The following MYO9A variants were observed in gnomAD, a reference collection of about 807,000 sequenced individuals.
MYO9A encodes myosin IXA.
In MYO9A, 103 loss-of-function variants were observed where a neutral mutation model predicts 293.3. That is an observed-to-expected ratio of 0.35 (90% confidence interval 0.30 to 0.41). The LOEUF (loss-of-function observed/expected upper bound fraction) is 0.41, where lower values mean the gene tolerates loss of function less well. Ranked by LOEUF, MYO9A falls within the 10% of genes least tolerant of loss-of-function variation. The pLI is 1.00. For synonymous variants in MYO9A, 1,001 were observed against 1,035.7 expected (o/e 0.97, Z 0.64); for missense variants, 2,685 against 3,033.0 (o/e 0.89, Z 2.69).
chr15:71,880,154 A>G (rs988902670), intron 29 of MYO9A, among the ~76,000 whole-genome samples, 181 bp downstream of exon 29: 4 of 152,232 alleles, frequency 2.6e-5, no homozygotes, highest in African/African-American at 9.6e-5. Context: ...CTACAACCTT[A>G]AATCCTGTCT....
intron 7 of MYO9A, among the ~76,000 whole-genome samples, chr15:72,008,774 C>A (rs1596369918): frequency 6.6e-6 from 1 of 152,136 alleles, no homozygotes; most frequent in African/African-American, 2.4e-5. Context: ...CACAGCTAAA[C>A]AATCCACTGA....
intron 4 of MYO9A, among the ~76,000 whole-genome samples, chr15:72,026,923 T>C (rs943237922): frequency 4.6e-5 from 7 of 152,190 alleles, no homozygotes; most frequent in African/African-American, 1.7e-4. Flanking sequence ...AACAGATCTA[T>C]AATAACTAAA....
intron 12 of MYO9A, among the ~76,000 whole-genome samples, chr15:71,975,428 T>TGTGTGTGTGTGTGTGTGTGTGTG (rs2076116955): frequency 6.8e-6 from 1 of 147,942 alleles, no homozygotes; most frequent in African/African-American, 2.5e-5. Context: ...TGTGTGTGTG[T>TGTGTGTGTGTGTGTGTGTGTGTG]AGGTTTTCGT....
At chr15:72,053,097 A>G (rs1365935135) in intron 1 of MYO9A, among the ~76,000 whole-genome samples, 1 of 152,190 alleles carries the variant, frequency 6.6e-6, no homozygotes, top group Non-Finnish European at 1.5e-5. Context: ...TAGGGTAGCC[A>G]CTAAAAAAGA....
In MYO9A at chr15:71,897,809, G is replaced by A; in HGVS notation, c.4694C>T (p.Thr1565Ile). 1 of 1,614,050 alleles carries A rather than the reference G, an allele frequency of 6.2e-7. No individual in the cohort carries two copies. Residue 1565 changes from threonine (T) to isoleucine (I), a missense_variant, in exon 25 of 42, where the codon ACC becomes ATC. By Grantham distance (89) the Thr-to-Ile change is moderately conservative (BLOSUM62 -1). Around this residue, in one of 10 missense-constraint regions of MYO9A, gnomAD observed 1,434 missense variants for 1,497.7 expected, o/e 0.96. Transcript: ENST00000356056. ...ERPSSLLSLN[T>I]SNKGELNVLG... ...TACATTAAGTTCTCCCTTATTTGAGGTATTTAAGCTGAGGAGAGAGGATGG... is the reference window on the plus strand; with the variant it reads ...TACATTAAGTTCTCCCTTATTTGAGATATTTAAGCTGAGGAGAGAGGATGG...
intron 30 of MYO9A, among the ~76,000 whole-genome samples, chr15:71,878,946 G>A (rs944185901): frequency 4.0e-5 from 6 of 151,572 alleles, no homozygotes; most frequent in Non-Finnish European, 7.4e-5. Context: ...TATTAGAGAC[G>A]GGGTTTTACC....
At chr15:72,054,375 A>G (rs1372948116) in intron 1 of MYO9A, among the ~76,000 whole-genome samples, 1 of 152,194 alleles carries the variant, frequency 6.6e-6, no homozygotes, top group African/African-American at 2.4e-5. Flanking sequence ...ATCTGCTACA[A>G]AGAAAGCAGG....
At chr15:71,843,574 T>C (rs1388839357) in intron 39 of MYO9A, among the ~76,000 whole-genome samples, 1 of 152,196 alleles carries the variant, frequency 6.6e-6, no homozygotes, top group Non-Finnish European at 1.5e-5. Flanking sequence ...CTGCAACCTC[T>C]GCTTCTCAGG....
At chr15:71,839,651 C>A (rs922564331) in intron 39 of MYO9A, among the ~76,000 whole-genome samples, 92 of 152,100 alleles carry the variant, frequency 6.0e-4, no homozygotes, top group Non-Finnish European at 1.3e-4. Context: ...TTCAAGCAAT[C>A]CTCCTGCCTT....
At chr15:71,922,346 A>C (rs770058747) in intron 18 of MYO9A, among the ~76,000 whole-genome samples, 45 of 152,328 alleles carry the variant, frequency 3.0e-4, no homozygotes, top group Non-Finnish European at 6.0e-4. Context: ...TAAAATGATG[A>C]ATAATAATTG....
At chr15:71,960,338 G>T in intron 13 of MYO9A, 1 of 459,868 alleles carries the variant, frequency 2.2e-6, no homozygotes, top group South Asian at 3.4e-5. Context: ...CCAAAATCTG[G>T]TTATTTAAAA....
chr15:71,968,163 A>G (rs1353512717), intron 12 of MYO9A, 38 bp from the exon 13 acceptor site: 13 of 1,488,858 alleles, frequency 8.7e-6, no homozygotes, highest in Non-Finnish European at 1.1e-5. Context: ...CATTACAGAA[A>G]GATGAGAAAG....
At position 71,935,443 on chromosome 15, in the gene MYO9A, C is replaced by A; in HGVS notation, c.2420G>T (p.Arg807Leu). 1.2e-6 allele frequency: 2 copies of A among 1,613,558 alleles called. No homozygotes were observed. Among genetic ancestry groups the A allele is most frequent in the South Asian group, 2.2e-5 (2 of 91,038 alleles). ...GGTGCCACTTGATAGTCTGCTCTGGCGAATCCCAGTTCTGCCATTCCAGGC... is the reference window on the plus strand; with the variant it reads ...GGTGCCACTTGATAGTCTGCTCTGGAGAATCCCAGTTCTGCCATTCCAGGC... ...DIAWNGRTGI[R>L]QSRLSSGTSL... is the part of the protein sequence containing the mutation. Residue 807 changes from arginine (R) to leucine (L), a missense_variant, in exon 17 of 42, where the codon CGC (arginine) becomes CTC (leucine). Physicochemically the swap from Arg to Leu is moderately radical, Grantham distance 102 (BLOSUM62 -2). Transcript: ENST00000356056.
At chr15:71,874,618 ACT>A (rs2056623947) in intron 32 of MYO9A, among the ~76,000 whole-genome samples, 1 of 152,212 alleles carries the variant, frequency 6.6e-6, no homozygotes, top group African/African-American at 2.4e-5. Flanking sequence ...TACATAGAGA[ACT>A]ATAACGGGAG....
chr15:71,876,425 ATTTTTTTTTTTT>A (rs397854202), intron 31 of MYO9A, among the ~76,000 whole-genome samples: 12 of 61,070 alleles, frequency 2.0e-4, no homozygotes, highest in Non-Finnish European at 3.1e-4. Flanking sequence ...CCTGGCTGGT[ATTTTTTTTTTTT>A]TTTTTTTTTT....
rs750930471 is a variant in MYO9A, at chr15:71,982,005, A to ATTTTTTTTTT, written c.1723-3723_1723-3714dup. Among the ~76,000 whole-genome samples the ATTTTTTTTTT allele has an allele frequency of 5.0e-4, 28 of 56,308 alleles. 3 individuals carry two copies. Among genetic ancestry groups the ATTTTTTTTTT allele is most frequent in the African/African-American group, 1.5e-3 (17 of 11,496 alleles). 36.9% of individuals were successfully genotyped at this position (56,308 alleles called of 152,430 possible). ...TTGTTCAACCTCTAGCCTATTTAGA[A>ATTTTTTTTTT]TTTTTTTTTTTTTTTTTTTTTTTTT... On this transcript the variant is annotated intron_variant, in intron 11 of 41. Transcript: ENST00000356056.
chr15:71,845,824 A>G (rs28463520), intron 39 of MYO9A, among the ~76,000 whole-genome samples: 5,759 of 152,284 alleles, frequency 0.038, 257 homozygotes, highest in African/African-American at 0.11. Context: ...GTCACATACT[A>G]ATGGTTATCT....
At chr15:71,988,363 T>C (rs567788083) in intron 11 of MYO9A, among the ~76,000 whole-genome samples, 4 of 152,352 alleles carry the variant, frequency 2.6e-5, no homozygotes, top group South Asian at 4.1e-4. Flanking sequence ...GTTTGAATAC[T>C]GGCTTTAGAC....
chr15:71,949,903 A>G lies in MYO9A; in HGVS notation c.2302+1874T>C, dbSNP rs1371257274. 3.3e-5 allele frequency among the ~76,000 whole-genome samples: 5 copies of G among 152,118 alleles called. No homozygotes were observed. In the East Asian group the frequency reaches 9.6e-4, roughly 29 times the overall value. On this transcript the variant is annotated intron_variant, in intron 15 of 41. Coordinates refer to ENST00000356056, the MANE Select transcript of MYO9A (RefSeq NM_006901.4). The stretch of plus-strand genomic sequence containing the variant: ...ATGCAAGTTAGGAAACCCCTTGTAT[A>G]AAAAGCTACAAATTCACAATTCTTA...
Sources: allele counts gnomAD v4.1 joint callset (sites outside exome capture counted in the v4.1 genomes callset), GRCh38; gene constraint gnomAD v4.1.1; regional missense constraint gnomAD v4.1.1; transcripts MANE v1.5; gene names NCBI Gene and HGNC (gene_info 2026-07-23, HGNC 2026-07-21).